Variants in CYRIA observed in about 807,000 individuals in gnomAD.
The protein encoded by CYRIA is CYFIP related Rac1 interactor A, also known as CYFIP-related Rac1 interactor A.
In CYRIA, 15 loss-of-function variants were observed where a neutral mutation model predicts 43.9. That is an observed-to-expected ratio of 0.34 (90% confidence interval 0.23 to 0.53). The LOEUF (loss-of-function observed/expected upper bound fraction) is 0.53. CYRIA is among the 20% of genes least tolerant of loss of function. The pLI, the probability that CYRIA is intolerant of heterozygous loss-of-function variation, is 0.94. For missense variants in CYRIA, 236 were observed against 394.2 expected, an observed-to-expected ratio of 0.60 and a Z score of 3.40; for synonymous variants, 117 against 136.0, an observed-to-expected ratio of 0.86 and a Z score of 0.97.
rs1346447321 is a variant in CYRIA, at chr2:16,551,460, GGTATAAA to G, written c.*1469_*1475del. On this transcript the variant is annotated 3_prime_UTR_variant, in exon 12 of 12. Transcript: ENST00000381323. ...CCATAGTATGTATTCACAGCCACAT[GGTATAAA>G]AGGAAGAGCATGGAGTCAAGAGTGA... 7.2e-5 allele frequency: 11 copies of G among 152,170 alleles called. No homozygotes were observed. Among genetic ancestry groups the G allele is most frequent in the African/African-American group, 2.4e-4 (10 of 41,450 alleles). The allele number at this position is 152,170 out of a possible 1,614,324, so 9.4% of individuals were successfully genotyped here.
Position 16,559,547 on chromosome 2 carries a change from C to T in CYRIA, c.750G>A (p.Met250Ile). Residue 250 changes from methionine to isoleucine, a missense_variant, in exon 10 of 12, where the codon ATG becomes ATA. This residue lies in a region of CYRIA where 193 missense variants were observed against 303.9 expected (regional missense o/e 0.64). Transcript: ENST00000381323. ...CTCCCACCATCACCCTCATGCAGAA[C>T]ATCAGGGTCTCTTCACTCGTAAACC... ...RSRFTSEETL[M>I]FCMRVMVGVI... 6.2e-7 allele frequency: 1 copy of T among 1,613,212 alleles called. No homozygotes were observed. The highest frequency in any genetic ancestry group is 8.5e-7 in the Non-Finnish European group (1 of 1,179,432).
chr2:16,582,474 C>A (rs543876085), intron 3 of CYRIA, among the ~76,000 whole-genome samples: 1 of 152,216 alleles, frequency 6.6e-6, no homozygotes, highest in South Asian at 2.1e-4. Context: ...TTCATTAACA[C>A]CCCAAAAAGA....
intron 10 of CYRIA, among the ~76,000 whole-genome samples, chr2:16,558,679 A>T (rs1666615986): frequency 6.6e-6 from 1 of 152,140 alleles, no homozygotes; most frequent in Admixed American, 6.5e-5. Context: ...TCATTCATTC[A>T]TTCATCCATC....
intron 1 of CYRIA, among the ~76,000 whole-genome samples, chr2:16,634,344 G>GC (rs777380824): frequency 6.6e-6 from 1 of 152,080 alleles, no homozygotes; most frequent in Non-Finnish European, 1.5e-5. Context: ...AAATCCAACA[G>GC]CCCCCCACTG....
intron 10 of CYRIA, 98 bp downstream of exon 10, chr2:16,559,362 C>T (rs1413150255): frequency 3.8e-5 from 53 of 1,382,494 alleles, no homozygotes; most frequent in Non-Finnish European, 4.7e-5. Context: ...AAAGATCACT[C>T]TCAGTGGAGA....
chr2:16,658,229 G>T (rs62124761), intron 1 of CYRIA, among the ~76,000 whole-genome samples: 1 of 151,974 alleles, frequency 6.6e-6, no homozygotes, highest in Non-Finnish European at 1.5e-5. Context: ...AAGTCTAGAG[G>T]GGTTGACTAT....
intron 3 of CYRIA, among the ~76,000 whole-genome samples, chr2:16,566,552 G>A (rs1050239022): frequency 6.6e-6 from 1 of 152,156 alleles, no homozygotes; most frequent in Non-Finnish European, 1.5e-5. Flanking sequence ...TGGCAAAGAC[G>A]TGCAGGGAGT....
intron 1 of CYRIA, among the ~76,000 whole-genome samples, chr2:16,642,494 C>T (rs75367476): frequency 0.035 from 5,383 of 152,224 alleles, 319 homozygotes; most frequent in African/African-American, 0.12. Flanking sequence ...AACACGCTGC[C>T]GCCAGGGTCC....
chr2:16,663,713 G>A (rs1240370071), intron 1 of CYRIA, among the ~76,000 whole-genome samples: 2 of 152,014 alleles, frequency 1.3e-5, no homozygotes, highest in Non-Finnish European at 2.9e-5. Context: ...CTCTCAGCTG[G>A]GGTCCTCAAC....
In CYRIA at chr2:16,552,926, G is replaced by A. The variant is rs1317568804; in HGVS notation, c.*10C>T. ...GGTCAGCACATAGATCCTCTTCTTT[G>A]AGCAGAGCTCTACTGAAGCATTGCT... On this transcript the variant is annotated 3_prime_UTR_variant, in exon 12 of 12. Coordinates refer to ENST00000381323, the MANE Select transcript of CYRIA (RefSeq NM_030797.4). The A allele has an allele frequency of 6.4e-7, 1 of 1,570,812 alleles. No homozygotes were observed. The highest frequency in any genetic ancestry group is 2.2e-5 in the East Asian group (1 of 44,646).
chr2:16,587,768 C>T (rs1667785120), intron 3 of CYRIA, among the ~76,000 whole-genome samples: 1 of 151,986 alleles, frequency 6.6e-6, no homozygotes, highest in South Asian at 2.1e-4. Context: ...AGGGGAGTTC[C>T]CCTACACAAG....
Position 16,562,137 on chromosome 2 carries a change from T to C in CYRIA, c.303A>G (p.Lys101=). The C allele has an allele frequency of 2.5e-6, 4 of 1,609,784 alleles. No homozygotes were observed. The East Asian group carries it at 6.7e-5, about 27-fold the overall frequency. Reference sequence around the variant, plus strand: ...GAGATTCCAATAAACTCTGAAGAGCTTTTTCTGAAAATCAAAGGGATAAAT... The same window carrying C: ...GAGATTCCAATAAACTCTGAAGAGCCTTTTCTGAAAATCAAAGGGATAAAT... The part of the protein sequence containing the change: ...RFYEFSIRLE[K]ALQSLLESLT... The change falls in exon 6 of 12, where the codon AAA becomes AAG. Residue 101 remains lysine (K), a synonymous_variant. Coordinates refer to ENST00000381323, the MANE Select transcript of CYRIA (RefSeq NM_030797.4).
At chr2:16,625,828 T>G (rs1214730851) in intron 1 of CYRIA, 1 of 149,724 alleles carries the variant, frequency 6.7e-6, no homozygotes, top group Admixed American at 6.7e-5. Flanking sequence ...TATCCCATCC[T>G]CACTGCTTTT....
At chr2:16,635,691 A>G (rs541892381) in intron 1 of CYRIA, among the ~76,000 whole-genome samples, 23 of 152,172 alleles carry the variant, frequency 1.5e-4, no homozygotes, top group South Asian at 4.1e-4. Flanking sequence ...GGAGACTCAG[A>G]TTAGACAAAT....
intron 1 of CYRIA, among the ~76,000 whole-genome samples, chr2:16,646,348 G>C (rs537505621): frequency 6.6e-6 from 1 of 152,300 alleles, no homozygotes; most frequent in Admixed American, 6.5e-5. Context: ...AGCACATTTT[G>C]AAAATCCCTT....
intron 9 of CYRIA, 91 bp downstream of exon 9, chr2:16,560,899 A>G: frequency 1.7e-6 from 2 of 1,159,234 alleles, no homozygotes; most frequent in Non-Finnish European, 2.6e-6. Context: ...TAGGGTGTTG[A>G]CCCAAATGTT....
At chr2:16,608,725 C>T (rs1250607233) in intron 2 of CYRIA, among the ~76,000 whole-genome samples, 1 of 152,146 alleles carries the variant, frequency 6.6e-6, no homozygotes, top group Non-Finnish European at 1.5e-5. Flanking sequence ...TGCAGTAGGT[C>T]CTAACAAATA....
At chr2:16,575,781 A>G (rs990379979) in intron 3 of CYRIA, among the ~76,000 whole-genome samples, 29 of 152,134 alleles carry the variant, frequency 1.9e-4, no homozygotes, top group East Asian at 5.8e-4. Flanking sequence ...GCGTGAACCC[A>G]GGAGGCGGAG....
intron 2 of CYRIA, among the ~76,000 whole-genome samples, chr2:16,590,370 T>A (rs774017510): frequency 3.3e-5 from 5 of 152,176 alleles, no homozygotes; most frequent in Non-Finnish European, 7.4e-5. Flanking sequence ...GAGTCACTTC[T>A]TGTAGGAAGA....
Sources: gnomAD v4.1 joint callset for allele counts (sites outside exome capture counted in the v4.1 genomes callset) on GRCh38, gnomAD v4.1.1 for gene constraint, gnomAD v4.1.1 regional missense constraint, MANE v1.5 for transcripts, NCBI Gene and HGNC (gene_info 2026-07-23, HGNC 2026-07-21) for gene names.